The following DENND1A variants were observed in gnomAD, a reference collection of about 807,000 sequenced individuals.
DENND1A encodes DENN domain-containing protein 1A.
In DENND1A, 51 loss-of-function variants were observed where a neutral mutation model predicts 113.7. That is an observed-to-expected ratio of 0.45 (90% CI 0.36 to 0.57). DENND1A has a LOEUF of 0.57. DENND1A is among the 20% of genes least tolerant of loss of function. The pLI is 0.00. For missense variants in DENND1A, 1,258 were observed against 1,395.9 expected (o/e 0.90, Z 1.57); for synonymous variants, 565 against 570.8 (o/e 0.99, Z 0.14).
intron 2 of DENND1A, among the ~76,000 whole-genome samples, chr9:123,792,959 C>T (rs1833222471): frequency 6.6e-6 from 1 of 152,190 alleles, no homozygotes; most frequent in Non-Finnish European, 1.5e-5. Context: ...GACTTTTCTT[C>T]TCTAATCAGA....
At chr9:123,904,405 C>G (rs1376835988) in intron 1 of DENND1A, among the ~76,000 whole-genome samples, 1 of 149,456 alleles carries the variant, frequency 6.7e-6, no homozygotes, top group African/African-American at 2.5e-5. Flanking sequence ...AGGCTTCAGA[C>G]GATCAAATTA....
At chr9:123,517,883 G>A (rs1424861008) in intron 13 of DENND1A, among the ~76,000 whole-genome samples, 3 of 152,090 alleles carry the variant, frequency 2.0e-5, no homozygotes, top group Non-Finnish European at 2.9e-5. Flanking sequence ...AATTGAATGC[G>A]GAACGCCTCT....
At chr9:123,541,952 CA>C (rs1282819740) in intron 13 of DENND1A, among the ~76,000 whole-genome samples, 2 of 152,204 alleles carry the variant, frequency 1.3e-5, no homozygotes, top group African/African-American at 4.8e-5. Flanking sequence ...TAGCCAGTAC[CA>C]AACTACAGTG....
chr9:123,779,065 A>C, intron 3 of DENND1A, among the ~76,000 whole-genome samples: 1 of 152,198 alleles, frequency 6.6e-6, no homozygotes, highest in Non-Finnish European at 1.5e-5. Flanking sequence ...AGATCAATAT[A>C]GTTCATTTCT....
At chr9:123,588,283 C>CAAAAAAA (rs10640791) in intron 11 of DENND1A, among the ~76,000 whole-genome samples, 4 of 68,066 alleles carry the variant, frequency 5.9e-5, no homozygotes, top group South Asian at 6.3e-4. Flanking sequence ...AACTCTGTCT[C>CAAAAAAA]AAAAAAAAAA....
At chr9:123,476,715 A>G (rs1316284926) in intron 13 of DENND1A, among the ~76,000 whole-genome samples, 2 of 152,196 alleles carry the variant, frequency 1.3e-5, no homozygotes, top group Non-Finnish European at 2.9e-5. Flanking sequence ...TGCTCTTACC[A>G]TGTGCCAGGT....
chr9:123,433,925 T>G (rs10818820), intron 19 of DENND1A, among the ~76,000 whole-genome samples: 61,201 of 152,084 alleles, frequency 0.4, 12,672 homozygotes, highest in African/African-American at 0.51. Context: ...CTCCATTCCC[T>G]TCCGGGGACA....
At chr9:123,464,089 C>CAAATTCTTAAATT (rs1381468207) in intron 13 of DENND1A, among the ~76,000 whole-genome samples, 1 of 151,988 alleles carries the variant, frequency 6.6e-6, no homozygotes, top group Non-Finnish European at 1.5e-5. Context: ...CAATAAAATA[C>CAAATTCTTAAATT]AAATTAAAAT....
In DENND1A at chr9:123,415,110, T is replaced by C. The variant is rs202215177; in HGVS notation, c.1489-3281A>G. 2.8e-4 allele frequency among the ~76,000 whole-genome samples: 43 copies of C among 152,088 alleles called. No individual in the cohort carries two copies. The East Asian group carries it at 5.8e-3, about 21-fold the overall frequency. On this transcript the variant is annotated intron_variant, in intron 19 of 23. Transcript: ENST00000394215. The stretch of plus-strand genomic sequence containing the variant: ...ACACCCATTCTAAAAGTTAGCAGAG[T>C]GAGCCAGCGGGATATAAAGATGCCA...
intron 5 of DENND1A, among the ~76,000 whole-genome samples, chr9:123,754,508 C>T (rs2070358271): frequency 6.6e-6 from 1 of 152,108 alleles, no homozygotes; most frequent in Non-Finnish European, 1.5e-5. Context: ...AGTCACTATC[C>T]TCTGGCACTA....
At chr9:123,860,184 AAACTGAGGTAGGTCAAT>A (rs1261553982) in intron 2 of DENND1A, among the ~76,000 whole-genome samples, 2 of 152,224 alleles carry the variant, frequency 1.3e-5, no homozygotes, top group Non-Finnish European at 2.9e-5. Context: ...TACTTTAGGG[AAACTGAGGTAGGTCAAT>A]AAGCCCTTAG....
intron 11 of DENND1A, among the ~76,000 whole-genome samples, chr9:123,606,333 C>T (rs1302495592): frequency 6.6e-6 from 1 of 152,176 alleles, no homozygotes; most frequent in Non-Finnish European, 1.5e-5. Flanking sequence ...GTGCTGACTA[C>T]ACAGGAGTTC....
intron 11 of DENND1A, among the ~76,000 whole-genome samples, chr9:123,598,086 T>C (rs2059776181): frequency 6.6e-6 from 1 of 152,214 alleles, no homozygotes. Flanking sequence ...TTCAACCCTT[T>C]GATCTTCACT....
intron 3 of DENND1A, among the ~76,000 whole-genome samples, chr9:123,772,477 G>C (rs77167631): frequency 0.073 from 11,125 of 152,118 alleles, 481 homozygotes; most frequent in Admixed American, 0.11. Context: ...TAATTTTCTT[G>C]TTCTCTTTCC....
intron 1 of DENND1A, among the ~76,000 whole-genome samples, chr9:123,917,832 C>G (rs1235847205): frequency 6.6e-6 from 1 of 151,888 alleles, no homozygotes; most frequent in Non-Finnish European, 1.5e-5. Context: ...GGATCCTGGC[C>G]GGGAACAGTG....
intron 19 of DENND1A, among the ~76,000 whole-genome samples, chr9:123,435,155 G>A (rs931420936): frequency 6.6e-6 from 1 of 152,172 alleles, no homozygotes; most frequent in Admixed American, 6.5e-5. Context: ...GGGAGCACCT[G>A]CTGGAGGTGG....
chr9:123,419,242 A>G (rs2045019913), intron 19 of DENND1A, among the ~76,000 whole-genome samples: 1 of 152,354 alleles, frequency 6.6e-6, no homozygotes, highest in Admixed American at 6.5e-5. Context: ...GCCTGATGGC[A>G]GCTGGCGCAT....
chr9:123,532,527 T>C lies in DENND1A; in HGVS notation c.993+25043A>G, dbSNP rs79658369. ...CAATTCAGGTCAAACCCTCTAGTCT[T>C]ACCTCAATCTGTCATTGTTAGTGAA... On this transcript the variant is annotated intron_variant, in intron 13 of 23. Transcript: ENST00000394215. Among the ~76,000 whole-genome samples, 1,017 of 152,334 alleles carry C rather than the reference T, an allele frequency of 6.7e-3. 10 individuals are homozygous for C. Among genetic ancestry groups the C allele is most frequent in the African/African-American group, 0.023 (971 of 41,584 alleles).
chr9:123,641,099 C>T, intron 9 of DENND1A, among the ~76,000 whole-genome samples: 1 of 152,184 alleles, frequency 6.6e-6, no homozygotes, highest in Non-Finnish European at 1.5e-5. Context: ...CCTTGGTTCA[C>T]CAAAGTGACC....
Sources: allele counts gnomAD v4.1 joint callset (sites outside exome capture counted in the v4.1 genomes callset), GRCh38; gene constraint gnomAD v4.1.1; transcripts MANE v1.5; gene names NCBI Gene and HGNC (gene_info 2026-07-23, HGNC 2026-07-21).